The following TIMM21 variants were observed in gnomAD, a reference collection of about 807,000 sequenced individuals.
The protein encoded by TIMM21 is mitochondrial import inner membrane translocase subunit Tim21.
A neutral mutation model predicts 27.7 loss-of-function variants in TIMM21; 30 were observed. That is an observed-to-expected ratio of 1.08 (90% confidence interval 0.81 to 1.47). TIMM21 has a LOEUF of 1.47. Among genes scored for constraint, TIMM21 ranks in the 40% most tolerant of loss-of-function variants. TIMM21 has a pLI of 0.00. For synonymous variants in TIMM21, 121 were observed against 114.4 expected, an observed-to-expected ratio of 1.06 and a Z score of -0.37; for missense variants, 292 against 302.9, an observed-to-expected ratio of 0.96 and a Z score of 0.27.
intron 1 of TIMM21, among the ~76,000 whole-genome samples, chr18:74,150,077 G>T (rs1018382124): frequency 6.6e-6 from 1 of 152,158 alleles, no homozygotes; most frequent in Admixed American, 6.5e-5. Flanking sequence ...GTCTTGGCAC[G>T]CCCCAGTGTA....
chr18:74,149,004 T>C lies in TIMM21; in HGVS notation c.196T>C (p.Trp66Arg). Reference protein sequence around the residue: ...CILGVTQKTIWTQGPSPRKAK... With the variant: ...CILGVTQKTIRTQGPSPRKAK... ...TCTTGGAGTCACCCAGAAAACCATC[T>C]GGACGCAGGGACCGAGCCCCCGAAA... Residue 66 changes from tryptophan to arginine, a missense_variant, in exon 1 of 6, where the codon TGG becomes CGG. Physicochemically the swap from Trp to Arg is moderately radical, Grantham distance 101. Transcript: ENST00000169551. 1 of 1,614,202 alleles carries C rather than the reference T, an allele frequency of 6.2e-7. No individual in the cohort carries two copies. The highest frequency in any genetic ancestry group is 1.3e-5 in the African/African-American group (1 of 75,048).
chr18:74,157,552 C>G (rs1334869541), intron 3 of TIMM21: 1 of 154,628 alleles, frequency 6.5e-6, no homozygotes. Context: ...TATAATAACC[C>G]TTTTTTCAGT....
At position 74,148,814 on chromosome 18, in the gene TIMM21, T is replaced by C; in HGVS notation, c.6T>C (p.Ile2=). The C allele has an allele frequency of 6.2e-7, 1 of 1,602,520 alleles. No homozygotes were observed. Among genetic ancestry groups the C allele is most frequent in the South Asian group, 1.1e-5 (1 of 90,868 alleles). M[I]CTFLRAVQYT... ...CGGAACGATTTTCCGTGAACATGATTTGTACTTTTCTACGAGCCGTACAGT... is the reference window on the plus strand; with the variant it reads ...CGGAACGATTTTCCGTGAACATGATCTGTACTTTTCTACGAGCCGTACAGT... Residue 2 remains isoleucine, a synonymous_variant, in exon 1 of 6, where the codon ATT becomes ATC. Coordinates refer to ENST00000169551, the MANE Select transcript of TIMM21 (RefSeq NM_014177.3).
In TIMM21 at chr18:74,158,787, G is replaced by A. The variant is rs1327241377; in HGVS notation, c.*307G>A. ...ATGTAAATAAAGGAAATAGATTTTA[G>A]TATTGTATTCATTTTATATTATAGA... On this transcript the variant is annotated 3_prime_UTR_variant, in exon 6 of 6. Coordinates refer to ENST00000169551, the MANE Select transcript of TIMM21 (RefSeq NM_014177.3). 1 of 273,084 alleles carries A rather than the reference G, an allele frequency of 3.7e-6. No homozygotes were observed. Among genetic ancestry groups the A allele is most frequent in the Non-Finnish European group, 7.0e-6 (1 of 143,438 alleles). The allele number at this position is 273,084 out of a possible 1,614,324, so 16.9% of individuals were successfully genotyped here. A position where few individuals can be genotyped will look rare whatever the true frequency, so the allele number is the denominator to read the frequency against.
rs1349538017 is a variant in TIMM21, at chr18:74,160,210, A to G, written c.*1730A>G. ...CACGTTGACACACTCCTGTAATCTC[A>G]TCTACTCAGGAGACAGGAGAAGCGC... is the stretch of plus-strand genomic sequence containing the variant. On this transcript the variant is annotated 3_prime_UTR_variant, in exon 6 of 6. Transcript: ENST00000169551. 6.6e-6 allele frequency: 1 copy of G among 151,752 alleles called. No homozygotes were observed. The highest frequency in any genetic ancestry group is 1.5e-5 in the Non-Finnish European group (1 of 67,968). The allele number at this position is 151,752 out of a possible 1,614,324, so 9.4% of individuals were successfully genotyped here. A position where few individuals can be genotyped will look rare whatever the true frequency, so the allele number is the denominator to read the frequency against.
chr18:74,153,016 T>C (rs2121915569), intron 1 of TIMM21, among the ~76,000 whole-genome samples: 1 of 152,326 alleles, frequency 6.6e-6, no homozygotes, highest in Admixed American at 6.5e-5. Flanking sequence ...TATGATGGAA[T>C]GCCCAGAGAG....
At chr18:74,149,258 A>ATGTTC in intron 1 of TIMM21, 149 bp downstream of exon 1, 2 of 845,662 alleles carry the variant, frequency 2.4e-6, no homozygotes, top group Non-Finnish European at 3.6e-6. Flanking sequence ...ACTAGAACAT[A>ATGTTC]TAGATCTACA....
chr18:74,158,553 G>A lies in TIMM21; in HGVS notation c.*73G>A. 2.2e-6 allele frequency: 2 copies of A among 924,164 alleles called. No homozygotes were observed. Among genetic ancestry groups the A allele is most frequent in the Non-Finnish European group, 3.4e-6 (2 of 589,638 alleles). 57.2% of individuals were successfully genotyped at this position (924,164 alleles called of 1,614,324 possible). A position where few individuals can be genotyped will look rare whatever the true frequency, so the allele number is the denominator to read the frequency against. ...TCTTCACAGCTGCCTTCCAGAATGT[G>A]TTCAAAAGAAAGACAAGAAGGAGTG... On this transcript the variant is annotated 3_prime_UTR_variant, in exon 6 of 6. Transcript: ENST00000169551.
At position 74,152,979 on chromosome 18, in the gene TIMM21, G is replaced by T. The variant is rs1241787981; in HGVS notation, c.302-2166G>T. Among the ~76,000 whole-genome samples the T allele has an allele frequency of 6.6e-6, 1 of 152,192 alleles. No homozygotes were observed. Among genetic ancestry groups the T allele is most frequent in the East Asian group, 1.9e-4 (1 of 5,200 alleles). ...TGAATATGGGCTGGTCCAGGGAAGT[G>T]CCGTGACCTAAGTGAGGAAGCTCTC... On this transcript the variant is annotated intron_variant, in intron 1 of 5. Transcript: ENST00000169551. This position sits in a 1 kb window ranked among gnomAD's most constrained non-coding sequence, Gnocchi z 4.1.
rs367622334 is a variant in TIMM21 at position 74,151,938 on chromosome 18, C to CTCCCCG, written c.301+2829_301+2830insTCCCCG. On this transcript the variant is annotated intron_variant, in intron 1 of 5. Transcript: ENST00000169551. ...CTTAAGAAGCAGTGGTGTCTATGTTCCCCCCCCCCCCGGGGGGACCTCCAG... is the reference window on the plus strand; with the variant it reads ...CTTAAGAAGCAGTGGTGTCTATGTTCTCCCCGCCCCCCCCCCCGGGGGGACCTCCAG... Among the ~76,000 whole-genome samples, 142 of 67,312 alleles carry CTCCCCG rather than the reference C, an allele frequency of 2.1e-3. 3 individuals carry two copies. The highest frequency in any genetic ancestry group is 9.5e-3 in the African/African-American group (132 of 13,826). 44.2% of individuals were successfully genotyped at this position (67,312 alleles called of 152,430 possible).
At chr18:74,155,996 C>T (rs962461068) in intron 3 of TIMM21, among the ~76,000 whole-genome samples, 1 of 152,188 alleles carries the variant, frequency 6.6e-6, no homozygotes, top group Non-Finnish European at 1.5e-5. Flanking sequence ...TGCCTCTACC[C>T]TTCCCTGGGA....
intron 3 of TIMM21, chr18:74,157,071 G>C (rs1979970745): frequency 6.6e-6 from 1 of 152,148 alleles, no homozygotes; most frequent in South Asian, 2.1e-4. Context: ...TCGTAGAGTT[G>C]AGGGTCAAAC....
At chr18:74,150,859 G>A (rs1398635875) in intron 1 of TIMM21, among the ~76,000 whole-genome samples, 1 of 152,286 alleles carries the variant, frequency 6.6e-6, no homozygotes, top group Admixed American at 6.5e-5. Context: ...CCCCATAGAT[G>A]TGATATCATT....
chr18:74,154,308 C>T (rs1362944229), intron 1 of TIMM21, among the ~76,000 whole-genome samples: 2 of 152,004 alleles, frequency 1.3e-5, no homozygotes, highest in Admixed American at 6.6e-5. Flanking sequence ...TTCGCCCAGG[C>T]CGTAGTGCAG....
At chr18:74,157,152 A>G (rs1979972680) in intron 3 of TIMM21, 1 of 152,226 alleles carries the variant, frequency 6.6e-6, no homozygotes, top group South Asian at 2.1e-4. Flanking sequence ...ATTCAATAAA[A>G]ACTACATTTC....
In TIMM21 at chr18:74,158,709, C is replaced by A. The variant is rs1980026284; in HGVS notation, c.*229C>A. On this transcript the variant is annotated 3_prime_UTR_variant, in exon 6 of 6. Coordinates refer to ENST00000169551, the MANE Select transcript of TIMM21 (RefSeq NM_014177.3). ...TGACTCAATCATGACAATATTTCTG[C>A]TTTAACACCATCTTTCATGATTAGA... 1.2e-5 allele frequency: 5 copies of A among 413,038 alleles called. No homozygotes were observed. The East Asian group carries it at 2.0e-4, about 17-fold the overall frequency. The allele number at this position is 413,038 out of a possible 1,614,324, so 25.6% of individuals were successfully genotyped here.
In TIMM21 at chr18:74,158,067, G is replaced by A; in HGVS notation, c.516G>A (p.Arg172=). 2 of 1,614,190 alleles carry A rather than the reference G, an allele frequency of 1.2e-6. No homozygotes were observed. ...SVKGYGEVTR[R]GRRQHVRFTE... ...AAGGCTATGGGGAGGTGACAAGGCGGGGTCGCCGGCAGCATGTCAGGTACT... is the reference window on the plus strand; with the variant it reads ...AAGGCTATGGGGAGGTGACAAGGCGAGGTCGCCGGCAGCATGTCAGGTACT... Residue 172 remains arginine, a synonymous_variant, in exon 4 of 6, where the codon CGG becomes CGA. Coordinates refer to ENST00000169551, the MANE Select transcript of TIMM21 (RefSeq NM_014177.3).
chr18:74,151,946 C>T (rs1012795903), intron 1 of TIMM21, among the ~76,000 whole-genome samples: 2 of 140,616 alleles, frequency 1.4e-5, no homozygotes, highest in East Asian at 2.0e-4. Context: ...TTCCCCCCCC[C>T]CCCGGGGGGA....
At chr18:74,156,227 T>C (rs1979946685) in intron 3 of TIMM21, 4 of 398,510 alleles carry the variant, frequency 1.0e-5, no homozygotes, top group Admixed American at 8.8e-5. Flanking sequence ...ATTATCATCA[T>C]AAATATTAGG....
Sources: allele counts gnomAD v4.1 joint callset (sites outside exome capture counted in the v4.1 genomes callset), GRCh38; gene constraint gnomAD v4.1.1; non-coding constraint Gnocchi (gnomAD v3.1); transcripts MANE v1.5; gene names NCBI Gene and HGNC (gene_info 2026-07-23, HGNC 2026-07-21).